The following PRKAA2 variants were observed in gnomAD, a reference collection of about 807,000 sequenced individuals.
PRKAA2 encodes protein kinase AMP-activated catalytic subunit alpha 2.
A neutral mutation model predicts 56.3 loss-of-function variants in PRKAA2; 40 were observed. The ratio of observed to expected loss-of-function variants is 0.71; its 90% CI spans 0.55 to 0.92. PRKAA2 has a LOEUF of 0.92. Ranked by LOEUF, PRKAA2 falls within the 40% of genes least tolerant of loss-of-function variation. PRKAA2 has a pLI of 0.00. For synonymous variants in PRKAA2, 214 were observed against 234.2 expected, an observed-to-expected ratio of 0.91 and a Z score of 0.79; for missense variants, 542 against 686.9, an observed-to-expected ratio of 0.79 and a Z score of 2.36.
chr1:56,695,236 C>T (rs1336011764), intron 5 of PRKAA2, among the ~76,000 whole-genome samples: 3 of 148,714 alleles, frequency 2.0e-5, no homozygotes, highest in Admixed American at 1.3e-4. Context: ...CGCTCTGTCA[C>T]CTAGGCTAGA....
intron 6 of PRKAA2, among the ~76,000 whole-genome samples, chr1:56,697,581 T>A (rs857156): frequency 0.44 from 67,020 of 151,994 alleles, 15,475 homozygotes; most frequent in East Asian, 0.59. Flanking sequence ...TTATAGTTCT[T>A]TAGCATATAT....
At chr1:56,692,142 G>A (rs893460107) in intron 3 of PRKAA2, among the ~76,000 whole-genome samples, 13 of 147,738 alleles carry the variant, frequency 8.8e-5, no homozygotes, top group East Asian at 4.0e-4. Flanking sequence ...AGCAATTCTC[G>A]TGTCCCACTC....
chr1:56,655,676 G>A (rs75985126), intron 1 of PRKAA2, among the ~76,000 whole-genome samples: 4,018 of 152,052 alleles, frequency 0.026, 160 homozygotes, highest in African/African-American at 0.089. Context: ...ATTTGGATAG[G>A]ACAAATATCC....
chr1:56,680,778 T>C (rs547542625), intron 2 of PRKAA2, among the ~76,000 whole-genome samples: 17 of 152,334 alleles, frequency 1.1e-4, no homozygotes, highest in African/African-American at 4.1e-4. Flanking sequence ...TTTGGGTTGG[T>C]TACAAGTCTT....
Position 56,707,928 on chromosome 1 carries a change from C to T in PRKAA2, c.*215C>T. 1 of 578,008 alleles carries T rather than the reference C, an allele frequency of 1.7e-6. No homozygotes were observed. Among genetic ancestry groups the T allele is most frequent in the Non-Finnish European group, 3.0e-6 (1 of 329,382 alleles). The allele number at this position is 578,008 out of a possible 1,614,324, so 35.8% of individuals were successfully genotyped here. A position where few individuals can be genotyped will look rare whatever the true frequency, so the allele number is the denominator to read the frequency against. On this transcript the variant is annotated 3_prime_UTR_variant, in exon 9 of 9. Coordinates refer to ENST00000371244, the MANE Select transcript of PRKAA2 (RefSeq NM_006252.4). ...AATTCTATTGTGCCTATGATAAATT[C>T]ACATAGGCAATATCTTTAATAGGTT...
Position 56,692,362 on chromosome 1 carries a change from AAG to A in PRKAA2, c.339_340del (p.Glu113AspfsTer19). On this transcript the variant is annotated frameshift_variant, in exon 4 of 9. Coordinates refer to ENST00000371244, the MANE Select transcript of PRKAA2 (RefSeq NM_006252.4). LOFTEE classifies it high-confidence loss of function. ...AGTTTCTTTTGTGCTTGATAGGTTG[AAG>A]AGATGGAAGCCAGGCGGCTCTTTCA... 6.2e-7 allele frequency: 1 copy of A among 1,613,874 alleles called. No individual in the cohort carries two copies. Among genetic ancestry groups the A allele is most frequent in the Non-Finnish European group, 8.5e-7 (1 of 1,179,922 alleles).
intron 2 of PRKAA2, among the ~76,000 whole-genome samples, chr1:56,681,133 CTG>C (rs2100412514): frequency 6.6e-6 from 1 of 152,280 alleles, no homozygotes; most frequent in Admixed American, 6.5e-5. Flanking sequence ...TTTCATGTGT[CTG>C]TTGGCTGCGT....
At chr1:56,661,369 C>T (rs933502123) in intron 1 of PRKAA2, among the ~76,000 whole-genome samples, 5 of 152,146 alleles carry the variant, frequency 3.3e-5, no homozygotes, top group African/African-American at 1.2e-4. Context: ...TGTTTCCAAC[C>T]TCCACCCCAC....
At chr1:56,671,267 G>T (rs554072624) in intron 1 of PRKAA2, among the ~76,000 whole-genome samples, 82 of 152,232 alleles carry the variant, frequency 5.4e-4, no homozygotes, top group African/African-American at 1.9e-3. Flanking sequence ...GGCAAAAAAG[G>T]CTAAATCCCC....
chr1:56,693,047 A>G (rs971909454), intron 4 of PRKAA2, among the ~76,000 whole-genome samples: 1 of 152,194 alleles, frequency 6.6e-6, no homozygotes, highest in Non-Finnish European at 1.5e-5. Context: ...ACTTTCTGGG[A>G]TAAACATACG....
rs1644236966 is a variant in PRKAA2, at chr1:56,692,775, G to A, written c.475+273G>A. Among the ~76,000 whole-genome samples the A allele has an allele frequency of 1.3e-5, 2 of 150,646 alleles. 1 individual carries two copies. Among genetic ancestry groups the A allele is most frequent in the Non-Finnish European group, 2.9e-5 (2 of 67,864 alleles). The stretch of plus-strand genomic sequence containing the variant: ...CTGCATTTTCTCCTAAGGAAATGAT[G>A]CATAACTGTTTTTTTGTTTTTTTTT... On this transcript the variant is annotated intron_variant, in intron 4 of 8. Coordinates refer to ENST00000371244, the MANE Select transcript of PRKAA2 (RefSeq NM_006252.4).
At chr1:56,704,972 C>G (rs1644321897) in intron 7 of PRKAA2, among the ~76,000 whole-genome samples, 1 of 152,070 alleles carries the variant, frequency 6.6e-6, no homozygotes, top group Non-Finnish European at 1.5e-5. Flanking sequence ...GCTTTTAATA[C>G]TTAGAGTACA....
intron 5 of PRKAA2, among the ~76,000 whole-genome samples, chr1:56,695,197 TATATA>T (rs1644251303): frequency 1.4e-5 from 2 of 147,664 alleles, no homozygotes; most frequent in African/African-American, 4.9e-5. Flanking sequence ...TATATATATA[TATATA>T]TTTTTTGTTT....
chr1:56,678,843 A>G (rs1644133087), intron 2 of PRKAA2, among the ~76,000 whole-genome samples: 1 of 151,884 alleles, frequency 6.6e-6, no homozygotes, highest in Non-Finnish European at 1.5e-5. Flanking sequence ...CTACAGGCAC[A>G]CACCACCACA....
intron 1 of PRKAA2, among the ~76,000 whole-genome samples, chr1:56,650,027 G>A (rs1044798894): frequency 9.9e-5 from 15 of 151,984 alleles, no homozygotes; most frequent in Non-Finnish European, 1.9e-4. Context: ...CCCGGGAGGC[G>A]GAAGTTGCAG....
chr1:56,652,130 G>A (rs1268130228), intron 1 of PRKAA2, among the ~76,000 whole-genome samples: 6 of 150,790 alleles, frequency 4.0e-5, no homozygotes, highest in South Asian at 2.1e-4. Context: ...CCACTGCCTC[G>A]GCCTCCCGAC....
Position 56,674,370 on chromosome 1 carries a change from C to A in PRKAA2, c.95-11C>A, listed in dbSNP as rs1413103462. On this transcript the variant is annotated splice_polypyrimidine_tract_variant and intron_variant, in intron 1 of 8. Transcript: ENST00000371244. ...TGATAGCACATTTTTTTTCCTTTTTCTTTTCTTTAGTTGGAGAACATCAAT... is the reference window on the plus strand; with the variant it reads ...TGATAGCACATTTTTTTTCCTTTTTATTTTCTTTAGTTGGAGAACATCAAT... 1 of 1,495,644 alleles carries A rather than the reference C, an allele frequency of 6.7e-7. No individual in the cohort carries two copies. The highest frequency in any genetic ancestry group is 8.9e-7 in the Non-Finnish European group (1 of 1,117,346). The allele number at this position is 1,495,644 out of a possible 1,614,324, so 92.6% of individuals were successfully genotyped here.
chr1:56,673,923 C>T (rs1569744461), intron 1 of PRKAA2, among the ~76,000 whole-genome samples: 1 of 152,220 alleles, frequency 6.6e-6, no homozygotes, highest in South Asian at 2.1e-4. Flanking sequence ...CAAAAAAGGG[C>T]TAGGTGTGAA....
At chr1:56,652,722 A>G (rs1435901948) in intron 1 of PRKAA2, among the ~76,000 whole-genome samples, 1 of 152,220 alleles carries the variant, frequency 6.6e-6, no homozygotes, top group Admixed American at 6.5e-5. Context: ...GGCTTTGGAA[A>G]AGATAAAATG....
Sources: gnomAD v4.1 joint callset for allele counts (sites outside exome capture counted in the v4.1 genomes callset) on GRCh38, gnomAD v4.1.1 for gene constraint, MANE v1.5 for transcripts, NCBI Gene and HGNC (gene_info 2026-07-23, HGNC 2026-07-21) for gene names.